Variants in ZCCHC17 observed in about 807,000 individuals in gnomAD.
ZCCHC17 encodes the protein zinc finger CCHC domain-containing protein 17.
ZCCHC17 carries 18 observed loss-of-function variants against 30.6 expected under a neutral mutation model. The ratio of observed to expected loss-of-function variants is 0.59; its 90% confidence interval spans 0.41 to 0.87. The LOEUF (loss-of-function observed/expected upper bound fraction) is 0.87. ZCCHC17 is among the 40% of genes least tolerant of loss of function. The probability of loss-of-function intolerance (pLI) is 0.00; values close to 1 mark genes in which losing one functional copy is unlikely to be tolerated. For synonymous variants in ZCCHC17, 88 were observed against 92.4 expected (o/e 0.95, Z 0.27); for missense variants, 263 against 284.2 (o/e 0.93, Z 0.54).
chr1:31,351,332 T>C (rs1315633533), intron 7 of ZCCHC17, among the ~76,000 whole-genome samples: 1 of 152,148 alleles, frequency 6.6e-6, no homozygotes, highest in Non-Finnish European at 1.5e-5. Context: ...GTTTATCCCC[T>C]CACTTCTCTT....
intron 1 of ZCCHC17, among the ~76,000 whole-genome samples, chr1:31,306,826 C>A (rs777483248): frequency 6.6e-6 from 1 of 152,016 alleles, no homozygotes; most frequent in Non-Finnish European, 1.5e-5. Context: ...TGTCACCACA[C>A]CTGGCTGATT....
intron 1 of ZCCHC17, among the ~76,000 whole-genome samples, chr1:31,298,641 T>G (rs1475795852): frequency 6.6e-6 from 1 of 152,196 alleles, no homozygotes; most frequent in Non-Finnish European, 1.5e-5. Flanking sequence ...TGCCTCAGCC[T>G]CCCAAAATTC....
intron 1 of ZCCHC17, among the ~76,000 whole-genome samples, chr1:31,309,307 G>A (rs1646541178): frequency 6.6e-6 from 1 of 152,024 alleles, no homozygotes; most frequent in Non-Finnish European, 1.5e-5. Flanking sequence ...TACATTTTAA[G>A]AGTTTTGAGA....
Position 31,348,319 on chromosome 1 carries a change from A to G in ZCCHC17, c.419-510A>G, listed in dbSNP as rs1017509143. On this transcript the variant is annotated intron_variant, in intron 6 of 7. Coordinates refer to ENST00000344147, the MANE Select transcript of ZCCHC17 (RefSeq NM_016505.4). ...ATTTCCAAGGTGCTTGCCAGACCTGACAGTCTGTAAATGTTCAGTGCCCCT... is the reference window on the plus strand; with the variant it reads ...ATTTCCAAGGTGCTTGCCAGACCTGGCAGTCTGTAAATGTTCAGTGCCCCT... Among the ~76,000 whole-genome samples the G allele has an allele frequency of 1.4e-4, 21 of 152,120 alleles. 1 individual carries two copies. The highest frequency in any genetic ancestry group is 2.9e-4 in the Non-Finnish European group (20 of 68,030).
rs112411842 is a variant in ZCCHC17 at position 31,357,812 on chromosome 1, A to G, written c.565-6220A>G. ...CTCTTGTTGCCCAGGCTGGAGTGCA[A>G]TGGTGCGATCTCAGCTCACTGCAAC... On this transcript the variant is annotated intron_variant, in intron 7 of 7. Coordinates refer to ENST00000344147, the MANE Select transcript of ZCCHC17 (RefSeq NM_016505.4). 5.8e-3 allele frequency among the ~76,000 whole-genome samples: 866 copies of G among 150,276 alleles called. 7 individuals are homozygous for G. Among genetic ancestry groups the G allele is most frequent in the African/African-American group, 0.02 (825 of 40,750 alleles).
At chr1:31,303,190 G>T (rs1646362156) in intron 1 of ZCCHC17, among the ~76,000 whole-genome samples, 1 of 152,128 alleles carries the variant, frequency 6.6e-6, no homozygotes, top group South Asian at 2.1e-4. Flanking sequence ...GCTGAGGCGG[G>T]AGGATAGCTT....
chr1:31,341,652 A>T (rs929936924), intron 5 of ZCCHC17, among the ~76,000 whole-genome samples: 39 of 152,364 alleles, frequency 2.6e-4, no homozygotes, highest in African/African-American at 9.4e-4. Flanking sequence ...ATTTAGAGCT[A>T]GACTTGAATC....
intron 7 of ZCCHC17, among the ~76,000 whole-genome samples, chr1:31,351,678 G>A (rs575107517): frequency 5.9e-5 from 9 of 152,222 alleles, no homozygotes; most frequent in Non-Finnish European, 1.3e-4. Flanking sequence ...AGGGGTCAAG[G>A]CAGCAGTGAG....
chr1:31,318,078 G>A (rs1391851567), intron 2 of ZCCHC17: 5 of 998,376 alleles, frequency 5.0e-6, no homozygotes, highest in Non-Finnish European at 7.1e-6. Context: ...AAAGCATTTT[G>A]AATATTATTT....
At position 31,309,929 on chromosome 1, in the gene ZCCHC17, T is replaced by G. The variant is rs1196670746; in HGVS notation, c.-55-115T>G. ...TAAACAAAAGAGATTTGGATAAAAG[T>G]GTATGGTGTTAAATCTAGTGGTATT... On this transcript the variant is annotated intron_variant, in intron 1 of 7. Transcript: ENST00000344147. 5.6e-6 allele frequency: 3 copies of G among 532,876 alleles called. No individual in the cohort carries two copies. In the African/African-American group the frequency reaches 5.8e-5, roughly 10 times the overall value. The allele number at this position is 532,876 out of a possible 1,614,324, so 33.0% of individuals were successfully genotyped here. A position where few individuals can be genotyped will look rare whatever the true frequency, so the allele number is the denominator to read the frequency against.
chr1:31,297,171 T>G (rs1456603240), intron 1 of ZCCHC17, 96 bp downstream of exon 1: 4 of 400,476 alleles, frequency 1.0e-5, no homozygotes, highest in Non-Finnish European at 1.8e-5. Flanking sequence ...CTGAGGGTGC[T>G]GACAGCAAGG....
chr1:31,333,310 T>G (rs536630336), intron 3 of ZCCHC17: 1 of 33,686 alleles, frequency 3.0e-5, no homozygotes, highest in South Asian at 4.8e-4. Context: ...GATCAAGAGA[T>G]CAGGAGTTCA....
intron 5 of ZCCHC17, 111 bp from the exon 6 acceptor site, chr1:31,346,529 C>T (rs1442999000): frequency 3.1e-6 from 4 of 1,290,574 alleles, no homozygotes; most frequent in Non-Finnish European, 4.2e-6. Context: ...AACTTTCTTT[C>T]TTTCTCCCCT....
rs541121631 is a variant in ZCCHC17, at chr1:31,324,798, C to T, written c.124+5632C>T. On this transcript the variant is annotated intron_variant, in intron 3 of 7. Transcript: ENST00000344147. ...TGCCCCTGGGCACAGAACAACTGGG[C>T]GTCATGGACAACATGATTGATGGTG... is the stretch of plus-strand genomic sequence containing the variant. 5.9e-5 allele frequency among the ~76,000 whole-genome samples: 9 copies of T among 151,740 alleles called. No individual in the cohort carries two copies. In the South Asian group the frequency reaches 8.3e-4, roughly 14 times the overall value.
At chr1:31,347,976 G>C (rs1384313863) in intron 6 of ZCCHC17, among the ~76,000 whole-genome samples, 1 of 151,262 alleles carries the variant, frequency 6.6e-6, no homozygotes, top group African/African-American at 2.4e-5. Flanking sequence ...CACAAACTCA[G>C]ACACAACTAG....
At chr1:31,329,593 G>A (rs911067065) in intron 3 of ZCCHC17, among the ~76,000 whole-genome samples, 6 of 152,204 alleles carry the variant, frequency 3.9e-5, no homozygotes, top group Non-Finnish European at 8.8e-5. Context: ...ACAGTCTAGT[G>A]ATGTAAACAA....
chr1:31,305,387 C>T (rs1646427239), intron 1 of ZCCHC17, among the ~76,000 whole-genome samples: 1 of 152,114 alleles, frequency 6.6e-6, no homozygotes, highest in Non-Finnish European at 1.5e-5. Context: ...TCAAGTGATC[C>T]TCCTGCCTCA....
intron 3 of ZCCHC17, among the ~76,000 whole-genome samples, chr1:31,321,655 C>T (rs1388583156): frequency 6.6e-5 from 10 of 152,096 alleles, no homozygotes; most frequent in African/African-American, 1.7e-4. Flanking sequence ...TTAGTAGAGG[C>T]AGGGTTTTGC....
intron 3 of ZCCHC17, among the ~76,000 whole-genome samples, chr1:31,319,424 T>A (rs1253610433): frequency 2.0e-5 from 3 of 152,206 alleles, no homozygotes. Flanking sequence ...ACTTCACCTG[T>A]GACCCTAGGC....
Sources: allele counts gnomAD v4.1 joint callset (sites outside exome capture counted in the v4.1 genomes callset), GRCh38; gene constraint gnomAD v4.1.1; transcripts MANE v1.5; gene names NCBI Gene and HGNC (gene_info 2026-07-23, HGNC 2026-07-21).